Variants in CDH8 observed in about 807,000 individuals in gnomAD.
CDH8 encodes cadherin 8.
CDH8 carries 17 observed loss-of-function variants against 68.1 expected under a neutral mutation model. The ratio of observed to expected loss-of-function variants is 0.25; its 90% CI spans 0.17 to 0.37. The LOEUF (loss-of-function observed/expected upper bound fraction) is 0.37. Ranked by LOEUF, CDH8 falls within the 10% of genes least tolerant of loss-of-function variation. CDH8 has a pLI of 1.00. For missense variants in CDH8, 763 were observed against 999.3 expected (o/e 0.76, Z 3.19); for synonymous variants, 372 against 365.1 (o/e 1.02, Z -0.21).
rs774054362 is a variant in CDH8, at chr16:61,821,072, T to C, written c.877A>G (p.Thr293Ala). ...TTGGCCTTCACCCTTCCTATTGCAGTGCCAAGAACCACATCTTCCGGTACT... is the reference window on the plus strand; with the variant it reads ...TTGGCCTTCACCCTTCCTATTGCAGCGCCAAGAACCACATCTTCCGGTACT... The part of the protein sequence containing the change: ...FSVPEDVVLG[T>A]AIGRVKANDQ... The change falls in exon 6 of 12, where the codon ACT becomes GCT. Residue 293 changes from threonine (T) to alanine (A), a missense_variant. By Grantham distance (58) the Thr-to-Ala change is moderately conservative. Around this residue, in one of 2 missense-constraint regions of CDH8, gnomAD observed 366 missense variants for 563.1 expected, o/e 0.65. Transcript: ENST00000577390. 5.0e-6 allele frequency: 8 copies of C among 1,612,626 alleles called. No homozygotes were observed. Among genetic ancestry groups the C allele is most frequent in the Admixed American group, 1.7e-5 (1 of 59,854 alleles).
intron 8 of CDH8, among the ~76,000 whole-genome samples, chr16:61,734,080 A>T (rs1959609554): frequency 6.6e-6 from 1 of 152,114 alleles, no homozygotes; most frequent in South Asian, 2.1e-4. Context: ...AAACAGAGAT[A>T]AAGACTCTGT....
chr16:61,963,746 T>C lies in CDH8; in HGVS notation c.252+57406A>G, dbSNP rs144295845. On this transcript the variant is annotated intron_variant, in intron 2 of 11. Coordinates refer to ENST00000577390, the MANE Select transcript of CDH8 (RefSeq NM_001796.5). Reference sequence around the variant, plus strand: ...GTTCCTGAATATTTGAGGAATCAAATATTCCTCAATGTTAATTGATTGATG... The same window carrying C: ...GTTCCTGAATATTTGAGGAATCAAACATTCCTCAATGTTAATTGATTGATG... 1.4e-3 allele frequency among the ~76,000 whole-genome samples: 220 copies of C among 152,348 alleles called. 1 individual carries two copies. The highest frequency in any genetic ancestry group is 4.8e-3 in the African/African-American group (198 of 41,576).
At chr16:61,713,121 T>A in intron 10 of CDH8, among the ~76,000 whole-genome samples, 1 of 151,344 alleles carries the variant, frequency 6.6e-6, no homozygotes, top group South Asian at 2.1e-4. Context: ...AAGTTTTAAA[T>A]TTTTTTTAAT....
intron 1 of CDH8, among the ~76,000 whole-genome samples, chr16:62,032,358 G>T (rs1004863855): frequency 3.3e-5 from 5 of 152,122 alleles, no homozygotes. Context: ...GTGCGTGTGT[G>T]TGTGTACATA....
chr16:61,902,842 T>G (rs1964000810), intron 2 of CDH8, among the ~76,000 whole-genome samples: 1 of 152,182 alleles, frequency 6.6e-6, no homozygotes, highest in African/African-American at 2.4e-5. Flanking sequence ...AAATATTTAT[T>G]GATTCTCAAA....
At chr16:61,941,524 A>G (rs1251740177) in intron 2 of CDH8, among the ~76,000 whole-genome samples, 1 of 152,184 alleles carries the variant, frequency 6.6e-6, no homozygotes, top group East Asian at 1.9e-4. Context: ...GTCTCCGCTC[A>G]CTGCAACCTC....
At chr16:61,831,052 T>A (rs1962444009) in intron 4 of CDH8, among the ~76,000 whole-genome samples, 3 of 151,760 alleles carry the variant, frequency 2.0e-5, no homozygotes, top group Admixed American at 1.3e-4. Flanking sequence ...ATTTTGTAAT[T>A]TTGAGAAGGA....
At chr16:61,844,630 A>G (rs1962766060) in intron 4 of CDH8, among the ~76,000 whole-genome samples, 2 of 152,130 alleles carry the variant, frequency 1.3e-5, no homozygotes, top group Admixed American at 6.5e-5. Flanking sequence ...CTATTTTCCA[A>G]TGTTATAGAA....
chr16:62,005,092 A>G (rs1965951600), intron 2 of CDH8, among the ~76,000 whole-genome samples: 1 of 152,160 alleles, frequency 6.6e-6, no homozygotes, highest in South Asian at 2.1e-4. Flanking sequence ...CATCTCAAGG[A>G]GCAGTTCCCA....
intron 1 of CDH8, among the ~76,000 whole-genome samples, chr16:62,021,996 G>A (rs1056974415): frequency 2.0e-5 from 3 of 151,828 alleles, no homozygotes; most frequent in African/African-American, 7.3e-5. Flanking sequence ...TGCTAACACA[G>A]CCCACTTGTC....
chr16:61,966,487 G>A (rs1965254583), intron 2 of CDH8, among the ~76,000 whole-genome samples: 1 of 151,960 alleles, frequency 6.6e-6, no homozygotes, highest in Non-Finnish European at 1.5e-5. Context: ...GCAGTGAGCT[G>A]AGATCGTGCC....
chr16:61,652,688 TCCCA>T lies in CDH8; in HGVS notation c.*916_*919del. 8.1e-7 allele frequency: 1 copy of T among 1,231,654 alleles called. No homozygotes were observed. Among genetic ancestry groups the T allele is most frequent in the Non-Finnish European group, 1.0e-6 (1 of 977,646 alleles). The allele number at this position is 1,231,654 out of a possible 1,614,324, so 76.3% of individuals were successfully genotyped here. A position where few individuals can be genotyped will look rare whatever the true frequency, so the allele number is the denominator to read the frequency against. ...TATTAATGGATATAATTTAGTTTTT[TCCCA>T]TATATCCCCTTAATCTATAGATTAC... is the stretch of plus-strand genomic sequence containing the variant. On this transcript the variant is annotated 3_prime_UTR_variant, in exon 12 of 12. Transcript: ENST00000577390.
chr16:61,686,299 T>C (rs1355728419), intron 10 of CDH8, among the ~76,000 whole-genome samples: 1 of 152,034 alleles, frequency 6.6e-6, no homozygotes, highest in Non-Finnish European at 1.5e-5. Context: ...GCCTGAATTA[T>C]TGATTTTTCA....
intron 9 of CDH8, chr16:61,726,602 A>G (rs775824859): frequency 5.1e-5 from 8 of 158,076 alleles, no homozygotes; most frequent in Non-Finnish European, 9.7e-5. Context: ...CGTGTTGTTC[A>G]TCTTATGTTT....
intron 10 of CDH8, among the ~76,000 whole-genome samples, chr16:61,663,086 C>T (rs1286906934): frequency 6.6e-6 from 1 of 151,938 alleles, no homozygotes; most frequent in Non-Finnish European, 1.5e-5. Context: ...CATCCAATGA[C>T]AATATTCCTA....
chr16:61,678,983 T>A (rs1281358355), intron 10 of CDH8, among the ~76,000 whole-genome samples: 1 of 152,070 alleles, frequency 6.6e-6, no homozygotes, highest in Admixed American at 6.6e-5. Flanking sequence ...AACAGTGCTG[T>A]TCAGCAAGTG....
At chr16:61,812,695 A>G (rs1961979311) in intron 7 of CDH8, among the ~76,000 whole-genome samples, 1 of 152,196 alleles carries the variant, frequency 6.6e-6, no homozygotes, top group South Asian at 2.1e-4. Flanking sequence ...TGCTGCATAT[A>G]ACAACTTTTC....
chr16:61,930,875 C>T (rs1318669230), intron 2 of CDH8, among the ~76,000 whole-genome samples: 1 of 152,162 alleles, frequency 6.6e-6, no homozygotes, highest in Non-Finnish European at 1.5e-5. Context: ...TCACCCCCAG[C>T]GAAATTCCTC....
chr16:61,854,424 T>C (rs1369488205), intron 4 of CDH8, among the ~76,000 whole-genome samples: 1 of 151,834 alleles, frequency 6.6e-6, no homozygotes, highest in Non-Finnish European at 1.5e-5. Context: ...GGTCAAGATG[T>C]TGTCAGATCT....
Sources: gnomAD v4.1 joint callset for allele counts (sites outside exome capture counted in the v4.1 genomes callset) on GRCh38, gnomAD v4.1.1 for gene constraint, gnomAD v4.1.1 regional missense constraint, MANE v1.5 for transcripts, NCBI Gene and HGNC (gene_info 2026-07-23, HGNC 2026-07-21) for gene names.